The following ADK variants were observed in gnomAD, a reference collection of about 807,000 sequenced individuals.
The protein encoded by ADK is N6,N6-dimethyladenosine kinase.
ADK carries 24 observed loss-of-function variants against 44.7 expected under a neutral mutation model. The ratio of observed to expected loss-of-function variants is 0.54; its 90% CI spans 0.39 to 0.76. The LOEUF (loss-of-function observed/expected upper bound fraction) is 0.76. ADK is among the 30% of genes least tolerant of loss of function. The pLI is 0.00. For missense variants in ADK, 321 were observed against 425.1 expected, an observed-to-expected ratio of 0.76 and a Z score of 2.15; for synonymous variants, 128 against 142.6, an observed-to-expected ratio of 0.90 and a Z score of 0.73.
intron 1 of ADK, among the ~76,000 whole-genome samples, chr10:74,153,762 AT>A: frequency 6.6e-6 from 1 of 152,332 alleles, no homozygotes; most frequent in East Asian, 1.9e-4. Context: ...ATGATCACTT[AT>A]ATTTAAGACA....
At chr10:74,527,368 C>CA (rs1249960922) in intron 7 of ADK, among the ~76,000 whole-genome samples, 1 of 93,334 alleles carries the variant, frequency 1.1e-5, no homozygotes, top group African/African-American at 9.3e-5. Flanking sequence ...AAAAAACAAA[C>CA]AAACAAAAAA....
At chr10:74,542,502 CT>C (rs556770112) in intron 7 of ADK, among the ~76,000 whole-genome samples, 118 of 152,170 alleles carry the variant, frequency 7.8e-4, no homozygotes, top group African/African-American at 2.8e-3. Flanking sequence ...TTCCTTTCCC[CT>C]TCAAGTATTT....
chr10:74,603,155 G>A (rs1315103442), intron 9 of ADK, among the ~76,000 whole-genome samples: 1 of 152,098 alleles, frequency 6.6e-6, no homozygotes, highest in Non-Finnish European at 1.5e-5. Context: ...AAGATAGGGA[G>A]GGAAAGTGTC....
intron 6 of ADK, among the ~76,000 whole-genome samples, chr10:74,499,267 A>G (rs1359176363): frequency 6.6e-6 from 1 of 152,194 alleles, no homozygotes; most frequent in Non-Finnish European, 1.5e-5. Flanking sequence ...ATTGAGGAAT[A>G]CCACAATAAA....
At chr10:74,701,754 G>A (rs775453752) in intron 10 of ADK, among the ~76,000 whole-genome samples, 8 of 152,134 alleles carry the variant, frequency 5.3e-5, no homozygotes, top group African/African-American at 7.2e-5. Flanking sequence ...AGACCAGCCC[G>A]TCCAACATGG....
chr10:74,470,134 C>T (rs934338376), intron 6 of ADK, among the ~76,000 whole-genome samples: 3 of 151,022 alleles, frequency 2.0e-5, no homozygotes, highest in Non-Finnish European at 2.9e-5. Context: ...GAGCAATTCT[C>T]CTGCCTCAGC....
intron 9 of ADK, among the ~76,000 whole-genome samples, chr10:74,611,871 G>A (rs1009727518): frequency 3.3e-5 from 5 of 152,038 alleles, no homozygotes; most frequent in Non-Finnish European, 7.4e-5. Flanking sequence ...TATCCAATCC[G>A]CTGTTGATGG....
intron 3 of ADK, among the ~76,000 whole-genome samples, chr10:74,230,154 C>T (rs4564273): frequency 0.51 from 75,901 of 148,792 alleles, 20,144 homozygotes; most frequent in Non-Finnish European, 0.6. Flanking sequence ...AAGCTAGGAC[C>T]GACAGCAAGG....
intron 6 of ADK, chr10:74,423,663 G>T (rs1022122012): frequency 3.1e-5 from 13 of 419,998 alleles, no homozygotes; most frequent in Non-Finnish European, 6.1e-5. Flanking sequence ...TGCTGGCCAG[G>T]TCTGCCTTGT....
intron 3 of ADK, among the ~76,000 whole-genome samples, chr10:74,261,279 A>C (rs748730175): frequency 1.3e-5 from 2 of 151,988 alleles, no homozygotes; most frequent in African/African-American, 2.4e-5. Context: ...CTCCCCCCTC[A>C]GTGTTTCAGC....
At chr10:74,621,290 A>T (rs1028015798) in intron 9 of ADK, among the ~76,000 whole-genome samples, 1 of 152,164 alleles carries the variant, frequency 6.6e-6, no homozygotes, top group Non-Finnish European at 1.5e-5. Context: ...GACTAGATGC[A>T]TATTTAGTTT....
At chr10:74,249,039 A>G (rs978368666) in intron 3 of ADK, among the ~76,000 whole-genome samples, 4 of 152,062 alleles carry the variant, frequency 2.6e-5, no homozygotes, top group East Asian at 1.9e-4. Context: ...GCCACTATCT[A>G]TTTTTCATGT....
chr10:74,565,971 G>A (rs915749853), intron 7 of ADK, among the ~76,000 whole-genome samples: 5 of 152,048 alleles, frequency 3.3e-5, no homozygotes, highest in Admixed American at 6.6e-5. Flanking sequence ...CACAAGTGCT[G>A]CTGAAATAAT....
At chr10:74,244,334 C>T (rs1434901225) in intron 3 of ADK, among the ~76,000 whole-genome samples, 2 of 152,170 alleles carry the variant, frequency 1.3e-5, no homozygotes, top group East Asian at 3.9e-4. Flanking sequence ...GAATATAGAA[C>T]TTCAAAAAAG....
intron 4 of ADK, among the ~76,000 whole-genome samples, chr10:74,319,567 A>G (rs780491614): frequency 5.9e-5 from 9 of 152,204 alleles, no homozygotes; most frequent in Admixed American, 2.0e-4. Context: ...ATTGTGAGAT[A>G]CTGGGGTTTA....
At chr10:74,200,732 G>A (rs750573372) in intron 1 of ADK, 32 bp from the exon 2 acceptor site, 9 of 1,428,482 alleles carry the variant, frequency 6.3e-6, no homozygotes, top group South Asian at 2.3e-5. Context: ...ACTTTTAGAA[G>A]TATTTCTAAC....
intron 1 of ADK, among the ~76,000 whole-genome samples, chr10:74,198,472 T>A (rs902454509): frequency 2.0e-5 from 3 of 152,260 alleles, no homozygotes; most frequent in African/African-American, 7.2e-5. Flanking sequence ...AATTATAGGC[T>A]GTACCTCATT....
intron 6 of ADK, 37 bp from the exon 7 acceptor site, chr10:74,525,219 G>A (rs1028348290): frequency 6.3e-7 from 1 of 1,584,124 alleles, no homozygotes; most frequent in African/African-American, 1.3e-5. Flanking sequence ...CTGTGGAGAT[G>A]GTATTTCTAA....
At chr10:74,467,563 A>G (rs1051061630) in intron 6 of ADK, among the ~76,000 whole-genome samples, 1 of 152,138 alleles carries the variant, frequency 6.6e-6, no homozygotes, top group Non-Finnish European at 1.5e-5. Flanking sequence ...AAGAGTTTTC[A>G]TGGAAATTAT....
Sources: gnomAD v4.1 joint callset for allele counts (sites outside exome capture counted in the v4.1 genomes callset) on GRCh38, gnomAD v4.1.1 for gene constraint, MANE v1.5 for transcripts, NCBI Gene and HGNC (gene_info 2026-07-23, HGNC 2026-07-21) for gene names.